PTPRA: variants seen among roughly 807,000 people sequenced by gnomAD.
The protein encoded by PTPRA is receptor-type tyrosine-protein phosphatase alpha.
A neutral mutation model predicts 104.8 loss-of-function variants in PTPRA; 25 were observed. The observed-to-expected ratio is 0.24, with a 90% CI of 0.17 to 0.33. The LOEUF is 0.33. Ranked by LOEUF, PTPRA falls within the 10% of genes least tolerant of loss-of-function variation. The pLI, the probability that PTPRA is intolerant of heterozygous loss-of-function variation, is 1.00. For synonymous variants in PTPRA, 323 were observed against 368.9 expected, an observed-to-expected ratio of 0.88 and a Z score of 1.43; for missense variants, 765 against 1,015.3, an observed-to-expected ratio of 0.75 and a Z score of 3.35.
At chr20:2,992,743 T>C (rs1435813063) in intron 9 of PTPRA, among the ~76,000 whole-genome samples, 1 of 152,218 alleles carries the variant, frequency 6.6e-6, no homozygotes, top group Non-Finnish European at 1.5e-5. Flanking sequence ...CTACCAGAGC[T>C]TATTTCTCTG....
At chr20:2,912,399 G>T (rs1488681319) in intron 1 of PTPRA, among the ~76,000 whole-genome samples, 2 of 151,474 alleles carry the variant, frequency 1.3e-5, no homozygotes, top group Non-Finnish European at 2.9e-5. Context: ...CGAGGCAAGT[G>T]GATTGCTTGA....
chr20:2,940,939 G>C (rs2060889288), intron 2 of PTPRA, among the ~76,000 whole-genome samples: 1 of 151,932 alleles, frequency 6.6e-6, no homozygotes, highest in South Asian at 2.1e-4. Flanking sequence ...TTTCTTGGGT[G>C]AAAGTTTCTT....
chr20:2,990,472 C>CT (rs1217010808), intron 9 of PTPRA, among the ~76,000 whole-genome samples: 1 of 152,128 alleles, frequency 6.6e-6, no homozygotes, highest in Non-Finnish European at 1.5e-5. Context: ...AATCCCAACA[C>CT]TTTGAGAGGC....
At chr20:2,919,567 G>A (rs1278013058) in intron 1 of PTPRA, among the ~76,000 whole-genome samples, 2 of 152,030 alleles carry the variant, frequency 1.3e-5, no homozygotes, top group Admixed American at 1.3e-4. Context: ...TTTTAGAGAC[G>A]GGATCTTGCC....
At position 3,007,400 on chromosome 20, in the gene PTPRA, A is replaced by G; in HGVS notation, c.886A>G (p.Ile296Val). The G allele has an allele frequency of 6.2e-7, 1 of 1,614,136 alleles. No homozygotes were observed. The highest frequency in any genetic ancestry group is 8.5e-7 in the Non-Finnish European group (1 of 1,179,948). The change falls in exon 11 of 24, where the codon ATC (isoleucine) becomes GTC (valine). Residue 296 changes from isoleucine to valine, a missense_variant. Ile to Val is a conservative substitution (Grantham distance 29, BLOSUM62 3). Around this residue, in one of 4 missense-constraint regions of PTPRA, gnomAD observed 245 missense variants for 398.7 expected, o/e 0.61. Transcript: ENST00000399903. The part of the protein sequence containing the change: ...PVEGVPDSDY[I>V]NASFINGYQE... ...TGAAGGGGTTCCAGATTCTGATTAC[A>G]TCAATGCTTCATTCATCAACGTAAG...
intron 3 of PTPRA, chr20:2,955,642 G>T: frequency 1.0e-6 from 1 of 985,394 alleles, no homozygotes; most frequent in Non-Finnish European, 1.2e-6. Context: ...TTTTCAAGCT[G>T]ATTTCTCTCA....
intron 1 of PTPRA, among the ~76,000 whole-genome samples, chr20:2,915,287 T>C (rs540848247): frequency 6.6e-6 from 1 of 152,344 alleles, no homozygotes; most frequent in African/African-American, 2.4e-5. Flanking sequence ...TAATAGTTCA[T>C]TGTATGTATA....
At chr20:2,916,097 T>C (rs548302333) in intron 1 of PTPRA, among the ~76,000 whole-genome samples, 65 of 152,324 alleles carry the variant, frequency 4.3e-4, no homozygotes, top group African/African-American at 1.5e-3. Flanking sequence ...TGGAGTGCAG[T>C]AGAGCAGTCT....
chr20:2,977,291 C>CA (rs60609555), intron 6 of PTPRA, among the ~76,000 whole-genome samples: 327 of 119,824 alleles, frequency 2.7e-3, no homozygotes, highest in East Asian at 0.019. Context: ...GACTCTGTCT[C>CA]AAAAAAAAAA....
chr20:2,880,727 C>G (rs959928418), intron 1 of PTPRA, among the ~76,000 whole-genome samples: 1 of 152,070 alleles, frequency 6.6e-6, no homozygotes, highest in East Asian at 1.9e-4. Context: ...TCCTTTTAAT[C>G]GTATGTAGAA....
At chr20:2,998,967 CATTAT>C (rs1323229394) in intron 9 of PTPRA, among the ~76,000 whole-genome samples, 6,288 of 149,350 alleles carry the variant, frequency 0.042, 428 homozygotes, top group African/African-American at 0.14. Flanking sequence ...ATAAATATGA[CATTAT>C]AGAATTAATA....
Position 3,022,948 on chromosome 20 carries a change from A to C in PTPRA, c.1464+124A>C. On this transcript the variant is annotated intron_variant, in intron 16 of 23. Transcript: ENST00000399903. The surrounding 1 kb of genome is among the most constrained non-coding windows in gnomAD (Gnocchi z 4.6). ...TTACTATAGAGTGTGATTGTGGGGG[A>C]AAGAAAGATAGATCACACTGTTACC... The C allele has an allele frequency of 2.8e-6, 4 of 1,436,190 alleles. No homozygotes were observed. In the Middle Eastern group the frequency reaches 6.0e-4, roughly 214 times the overall value. The allele number at this position is 1,436,190 out of a possible 1,614,324, so 89.0% of individuals were successfully genotyped here.
At chr20:3,021,154 ATAAG>A (rs1209079774) in intron 13 of PTPRA, among the ~76,000 whole-genome samples, 151 bp from the exon 14 acceptor site, 1 of 152,230 alleles carries the variant, frequency 6.6e-6, no homozygotes, top group African/African-American at 2.4e-5. Flanking sequence ...GCAAATTTGA[ATAAG>A]TAAGTGTGCA....
chr20:2,927,918 G>A (rs1034799216), intron 2 of PTPRA, among the ~76,000 whole-genome samples: 1 of 152,010 alleles, frequency 6.6e-6, no homozygotes, highest in Non-Finnish European at 1.5e-5. Flanking sequence ...GCTGAGGCAG[G>A]AGAATTGCTT....
At chr20:2,894,442 T>C (rs2058915459) in intron 1 of PTPRA, among the ~76,000 whole-genome samples, 1 of 152,182 alleles carries the variant, frequency 6.6e-6, no homozygotes, top group African/African-American at 2.4e-5. Context: ...CACTGGAGTT[T>C]CCAAGGCTGG....
chr20:2,965,146 C>T lies in PTPRA; in HGVS notation c.359C>T (p.Pro120Leu), dbSNP rs1340943055. 6.2e-7 allele frequency: 1 copy of T among 1,614,158 alleles called. No individual in the cohort carries two copies. ...DNQFTDARTE[P>L]WEGNSSTAAT... ...CAGTTCACGGATGCCAGAACAGAAC[C>T]CTGGGAGGGGAATTCCAGCACCGCA... The change falls in exon 5 of 24, where the codon CCC (proline) becomes CTC (leucine). Residue 120 changes from proline to leucine, a missense_variant. This residue lies in a region of PTPRA where 256 missense variants were observed against 248.9 expected (regional missense o/e 1.03). Coordinates refer to ENST00000399903, the MANE Select transcript of PTPRA (RefSeq NM_001385305.1).
Position 3,035,923 on chromosome 20 carries a change from C to T in PTPRA, c.2180C>T (p.Pro727Leu). The change falls in exon 22 of 24, where the codon CCC becomes CTC. Residue 727 changes from proline (P) to leucine (L), a missense_variant. By Grantham distance (98) the Pro-to-Leu change is moderately conservative (BLOSUM62 -3). Around this residue, in one of 4 missense-constraint regions of PTPRA, gnomAD observed 72 missense variants for 140.7 expected, o/e 0.51. Transcript: ENST00000399903. This position sits in a 1 kb window ranked among gnomAD's most constrained non-coding sequence, Gnocchi z 5.8. ...QKQQQQSGNHPITVHCSAGAG... is the reference protein window; with the variant it reads ...QKQQQQSGNHLITVHCSAGAG... Reference sequence around the variant, plus strand: ...CAGCAGCAGCAGTCAGGGAACCACCCCATCACCGTGCACTGCAGGTATGGC... The same window carrying T: ...CAGCAGCAGCAGTCAGGGAACCACCTCATCACCGTGCACTGCAGGTATGGC... The T allele has an allele frequency of 6.2e-7, 1 of 1,613,662 alleles. No homozygotes were observed. The highest frequency in any genetic ancestry group is 8.5e-7 in the Non-Finnish European group (1 of 1,180,040).
the PTPRA span, chr20:2,865,531 G>T: frequency 6.3e-7 from 1 of 1,595,478 alleles, no homozygotes; most frequent in Non-Finnish European, 8.6e-7. The surrounding 1 kb of genome is among the most constrained non-coding windows in gnomAD (Gnocchi z 5.2). Context: ...CACTTCCAGT[G>T]AGGGTAGTCT....
intron 11 of PTPRA, among the ~76,000 whole-genome samples, chr20:3,013,298 C>T (rs1473097191): frequency 2.6e-5 from 4 of 152,208 alleles, no homozygotes; most frequent in Non-Finnish European, 5.9e-5. Flanking sequence ...GCTAACCTAA[C>T]ACTGTTCACA....
Sources: allele counts gnomAD v4.1 joint callset (sites outside exome capture counted in the v4.1 genomes callset), GRCh38; gene constraint gnomAD v4.1.1; regional missense constraint gnomAD v4.1.1; non-coding constraint Gnocchi (gnomAD v3.1); transcripts MANE v1.5; gene names NCBI Gene and HGNC (gene_info 2026-07-23, HGNC 2026-07-21).